AIG1: variants seen among roughly 807,000 people sequenced by gnomAD.
The protein encoded by AIG1 is androgen induced 1.
A neutral mutation model predicts 31.4 loss-of-function variants in AIG1; 23 were observed. The observed-to-expected ratio is 0.73, with a 90% confidence interval of 0.53 to 1.04. AIG1 has a LOEUF of 1.04. Among genes scored for constraint, AIG1 ranks in the 50% least tolerant of loss-of-function variants. The probability of loss-of-function intolerance (pLI) is 0.00; values close to 1 mark genes in which losing one functional copy is unlikely to be tolerated. For synonymous variants in AIG1, 100 were observed against 110.5 expected, an observed-to-expected ratio of 0.90 and a Z score of 0.60; for missense variants, 274 against 295.0, an observed-to-expected ratio of 0.93 and a Z score of 0.52.
At chr6:143,060,871 G>A (rs1412820506), upstream of AIG1, 40 of 1,236,028 alleles carry the variant, frequency 3.2e-5, no homozygotes, top group Middle Eastern at 6.6e-4. Context: ...CGCGCCCGGC[G>A]CCTCCCTCAC....
chr6:143,145,746 G>C (rs752392168), intron 2 of AIG1, among the ~76,000 whole-genome samples: 15 of 152,110 alleles, frequency 9.9e-5, no homozygotes, highest in Non-Finnish European at 1.9e-4. Flanking sequence ...AATGTAATAA[G>C]TAACAAATTT....
chr6:143,151,371 G>A (rs1785208404), intron 2 of AIG1, among the ~76,000 whole-genome samples: 1 of 152,200 alleles, frequency 6.6e-6, no homozygotes, highest in Non-Finnish European at 1.5e-5. Context: ...ATATTGATAT[G>A]TTATTGATAC....
intron 3 of AIG1, among the ~76,000 whole-genome samples, chr6:143,178,658 T>G (rs1003547566): frequency 6.6e-6 from 1 of 152,250 alleles, no homozygotes; most frequent in Non-Finnish European, 1.5e-5. Context: ...CTTTGTCACT[T>G]CTTTGCTGAA....
intron 1 of AIG1, among the ~76,000 whole-genome samples, chr6:143,070,798 G>T (rs969908844): frequency 1.3e-5 from 2 of 152,140 alleles, no homozygotes; most frequent in Non-Finnish European, 2.9e-5. Flanking sequence ...TCTTAATACT[G>T]TTAGATTGGG....
intron 1 of AIG1, among the ~76,000 whole-genome samples, chr6:143,126,576 G>A (rs1352011475): frequency 6.6e-6 from 1 of 152,142 alleles, no homozygotes; most frequent in East Asian, 1.9e-4. Context: ...CTATTTTATG[G>A]CTCTTATATC....
At position 143,338,110 on chromosome 6, in the gene AIG1, A is replaced by G. The variant is rs921247993; in HGVS notation, c.680-1529A>G. 1 of 398,430 alleles carries G rather than the reference A, an allele frequency of 2.5e-6. No individual in the cohort carries two copies. Among genetic ancestry groups the G allele is most frequent in the African/African-American group, 2.1e-5 (1 of 48,622 alleles). The allele number at this position is 398,430 out of a possible 1,614,324, so 24.7% of individuals were successfully genotyped here. A position where few individuals can be genotyped will look rare whatever the true frequency, so the allele number is the denominator to read the frequency against. On this transcript the variant is annotated intron_variant, in intron 5 of 5. Transcript: ENST00000357847. The surrounding 1 kb of genome is among the most constrained non-coding windows in gnomAD (Gnocchi z 4.3). ...CCATCTGCAGGAGAACGCTTTGGAA[A>G]AAACAGACTTTAAAAAGAAAAGCAA...
In AIG1 at chr6:143,121,434, A is replaced by G. The variant is rs188238593; in HGVS notation, c.142-15401A>G. Among the ~76,000 whole-genome samples the G allele has an allele frequency of 3.3e-5, 5 of 152,354 alleles. No individual in the cohort carries two copies. The East Asian group carries it at 9.6e-4, about 29-fold the overall frequency. On this transcript the variant is annotated intron_variant, in intron 1 of 5. Coordinates refer to ENST00000357847, the MANE Select transcript of AIG1 (RefSeq NM_016108.4). Reference sequence around the variant, plus strand: ...AAGTGCCTGAGCATACCACAACTTTACATTACATAATCCTTTTTTCCCAAA... The same window carrying G: ...AAGTGCCTGAGCATACCACAACTTTGCATTACATAATCCTTTTTTCCCAAA...
At chr6:143,281,654 C>T (rs1797348159) in intron 3 of AIG1, among the ~76,000 whole-genome samples, 1 of 152,194 alleles carries the variant, frequency 6.6e-6, no homozygotes, top group Non-Finnish European at 1.5e-5. Flanking sequence ...TGTAAGGCAA[C>T]ATTTATATTT....
intron 3 of AIG1, among the ~76,000 whole-genome samples, chr6:143,269,155 T>C (rs1301938969): frequency 6.6e-6 from 1 of 152,180 alleles, no homozygotes; most frequent in Admixed American, 6.5e-5. Context: ...CCTAATAAAC[T>C]TCTGCATGCT....
chr6:143,327,421 G>C lies in AIG1; in HGVS notation c.516-5861G>C, dbSNP rs2128719951. The C allele has an allele frequency of 2.8e-6, 1 of 358,012 alleles. No homozygotes were observed. The highest frequency in any genetic ancestry group is 2.6e-5 in the South Asian group (1 of 39,118). The allele number at this position is 358,012 out of a possible 1,614,324, so 22.2% of individuals were successfully genotyped here. On this transcript the variant is annotated intron_variant, in intron 4 of 5. Transcript: ENST00000357847. The surrounding 1 kb of genome is among the most constrained non-coding windows in gnomAD (Gnocchi z 5.3). ...AGTCTGCCCCTTGGGCACTCAAAGA[G>C]ATCTGGAAATTTGCCACGAAGGAGA...
At chr6:143,267,936 T>G (rs1430716168) in intron 3 of AIG1, among the ~76,000 whole-genome samples, 1 of 152,142 alleles carries the variant, frequency 6.6e-6, no homozygotes, top group Non-Finnish European at 1.5e-5. Context: ...GCAGCTGGTT[T>G]AAGCTTTAAA....
chr6:143,220,540 T>C (rs1248885979), intron 3 of AIG1, among the ~76,000 whole-genome samples: 1 of 152,112 alleles, frequency 6.6e-6, no homozygotes, highest in Non-Finnish European at 1.5e-5. Context: ...ACTCTGAAGC[T>C]TCATCACGGG....
rs1430692808 is a variant in AIG1 at position 143,339,801 on chromosome 6, T to A, written c.*125T>A. 1 of 817,018 alleles carries A rather than the reference T, an allele frequency of 1.2e-6. No individual in the cohort carries two copies. Among genetic ancestry groups the A allele is most frequent in the East Asian group, 2.6e-5 (1 of 37,900 alleles). 50.6% of individuals were successfully genotyped at this position (817,018 alleles called of 1,614,324 possible). A position where few individuals can be genotyped will look rare whatever the true frequency, so the allele number is the denominator to read the frequency against. On this transcript the variant is annotated 3_prime_UTR_variant, in exon 6 of 6. Coordinates refer to ENST00000357847, the MANE Select transcript of AIG1 (RefSeq NM_016108.4). ...TGGCATCAGCACCCCCCTCCCCCAA[T>A]GAGGACACCTTTTATATATAAATAT...
At chr6:143,201,292 G>A (rs940626387) in intron 3 of AIG1, among the ~76,000 whole-genome samples, 3 of 151,910 alleles carry the variant, frequency 2.0e-5, no homozygotes, top group Non-Finnish European at 1.5e-5. Context: ...CCTGGAGTTC[G>A]AGACTGTAGT....
At chr6:143,167,697 C>T (rs1347100533) in intron 3 of AIG1, among the ~76,000 whole-genome samples, 1 of 152,108 alleles carries the variant, frequency 6.6e-6, no homozygotes, top group Non-Finnish European at 1.5e-5. Flanking sequence ...CTCCTGGAGA[C>T]AGATACTACT....
intron 3 of AIG1, among the ~76,000 whole-genome samples, chr6:143,167,082 A>G (rs1787036189): frequency 6.6e-6 from 1 of 152,238 alleles, no homozygotes; most frequent in Non-Finnish European, 1.5e-5. Context: ...GCTGTCTAAG[A>G]TAAACCAGTC....
intron 1 of AIG1, among the ~76,000 whole-genome samples, chr6:143,062,681 A>G (rs190018488): frequency 5.8e-4 from 89 of 152,346 alleles, no homozygotes; most frequent in African/African-American, 2.0e-3. Flanking sequence ...GCATATGTAT[A>G]TGAAGCAAGC....
rs1372677064 is a variant in AIG1 at position 143,338,846 on chromosome 6, G to A, written c.680-793G>A. On this transcript the variant is annotated intron_variant, in intron 5 of 5. Coordinates refer to ENST00000357847, the MANE Select transcript of AIG1 (RefSeq NM_016108.4). The surrounding 1 kb of genome is among the most constrained non-coding windows in gnomAD (Gnocchi z 4.3). Reference sequence around the variant, plus strand: ...GTTTCATTTTTGCTATTGAAACAAAGAAACTGAGAATTTGGTATGATTCAA... The same window carrying A: ...GTTTCATTTTTGCTATTGAAACAAAAAAACTGAGAATTTGGTATGATTCAA... 6.6e-6 allele frequency: 1 copy of A among 152,086 alleles called. No homozygotes were observed. The highest frequency in any genetic ancestry group is 1.5e-5 in the Non-Finnish European group (1 of 68,000). The allele number at this position is 152,086 out of a possible 1,614,324, so 9.4% of individuals were successfully genotyped here.
chr6:143,275,849 C>T (rs1434508611), intron 3 of AIG1, among the ~76,000 whole-genome samples: 1 of 152,166 alleles, frequency 6.6e-6, no homozygotes, highest in Non-Finnish European at 1.5e-5. Context: ...ACTACACATA[C>T]TAATTGGGAA....
Sources: allele counts gnomAD v4.1 joint callset (sites outside exome capture counted in the v4.1 genomes callset), GRCh38; gene constraint gnomAD v4.1.1; non-coding constraint Gnocchi (gnomAD v3.1); transcripts MANE v1.5; gene names NCBI Gene and HGNC (gene_info 2026-07-23, HGNC 2026-07-21).